Variants in MOK observed in about 807,000 individuals in gnomAD.
The protein encoded by MOK is MOK protein kinase.
MOK carries 59 observed loss-of-function variants against 54.2 expected under a neutral mutation model. That is an observed-to-expected ratio of 1.09 (90% CI 0.88 to 1.35). The LOEUF (loss-of-function observed/expected upper bound fraction) is 1.35, where lower values mean the gene tolerates loss of function less well. Ranked by LOEUF, MOK falls within the 40% of genes most tolerant of loss-of-function variation. The pLI is 0.00. For missense variants in MOK, 517 were observed against 526.2 expected (o/e 0.98, Z 0.17); for synonymous variants, 210 against 202.7 (o/e 1.04, Z -0.31).
chr14:102,278,482 T>C (rs2069096080), intron 2 of MOK: 1 of 263,498 alleles, frequency 3.8e-6, no homozygotes, highest in South Asian at 3.6e-5. Flanking sequence ...TAAAAGTAAT[T>C]TGAGGACTGC....
chr14:102,297,879 G>A (rs1413821362), intron 1 of MOK, among the ~76,000 whole-genome samples: 1 of 152,214 alleles, frequency 6.6e-6, no homozygotes, highest in Non-Finnish European at 1.5e-5. Flanking sequence ...CGGCCCACCG[G>A]CCCTGCCTGT....
chr14:102,221,948 C>T (rs1432245066), downstream of MOK, among the ~76,000 whole-genome samples: 4 of 152,176 alleles, frequency 2.6e-5, no homozygotes, highest in South Asian at 2.1e-4. The surrounding 1 kb of genome is among the most constrained non-coding windows in gnomAD (Gnocchi z 4.8). Context: ...CATAAATGAA[C>T]GCCACACTTT....
chr14:102,297,671 C>A (rs1035362652), intron 1 of MOK, among the ~76,000 whole-genome samples: 1 of 152,150 alleles, frequency 6.6e-6, no homozygotes, highest in Non-Finnish European at 1.5e-5. Flanking sequence ...GAAGAGGCAC[C>A]GCGAGGTGTG....
chr14:102,291,149 G>A (rs1316520290), intron 1 of MOK, among the ~76,000 whole-genome samples: 1 of 152,154 alleles, frequency 6.6e-6, no homozygotes, highest in African/African-American at 2.4e-5. Context: ...ACAGAGCACG[G>A]TACCATATCC....
At chr14:102,255,505 T>G (rs2153116310) in intron 4 of MOK, among the ~76,000 whole-genome samples, 1 of 152,102 alleles carries the variant, frequency 6.6e-6, no homozygotes, top group East Asian at 1.9e-4. Flanking sequence ...AAACTCCCTA[T>G]TCACAGCCCT....
Position 102,231,686 on chromosome 14 carries a change from G to A in MOK, c.981+21C>T, listed in dbSNP as rs368944211. On this transcript the variant is annotated intron_variant, in intron 10 of 11. Transcript: ENST00000361847. The surrounding 1 kb of genome is among the most constrained non-coding windows in gnomAD (Gnocchi z 4.4). ...GTCCCGGCTGAGCTAGGCAGTCTCC[G>A]GCTCCGATTTCGCTTAGTACCTGCT... 74 of 1,602,278 alleles carry A rather than the reference G, an allele frequency of 4.6e-5. No individual in the cohort carries two copies. Among genetic ancestry groups the A allele is most frequent in the East Asian group, 1.1e-4 (5 of 44,668 alleles).
At chr14:102,294,384 G>T (rs186347649) in intron 1 of MOK, among the ~76,000 whole-genome samples, 117 of 151,472 alleles carry the variant, frequency 7.7e-4, no homozygotes, top group African/African-American at 2.5e-3. Flanking sequence ...AGGCGGAGCT[G>T]GCAGTGAGCC....
At chr14:102,293,701 C>CA (rs10598736) in intron 1 of MOK, among the ~76,000 whole-genome samples, 1,671 of 54,570 alleles carry the variant, frequency 0.031, 60 homozygotes, top group African/African-American at 0.034. Context: ...AACTCCATCA[C>CA]AAAAAAAAAA....
At position 102,236,703 on chromosome 14, in the gene MOK, C is replaced by G. The variant is rs1454150978; in HGVS notation, c.591-2914G>C. Among the ~76,000 whole-genome samples, 1 of 151,922 alleles carries G rather than the reference C, an allele frequency of 6.6e-6. No homozygotes were observed. The highest frequency in any genetic ancestry group is 2.4e-5 in the African/African-American group (1 of 41,276). On this transcript the variant is annotated intron_variant, in intron 7 of 11. Transcript: ENST00000361847. The surrounding 1 kb of genome is among the most constrained non-coding windows in gnomAD (Gnocchi z 4.5). ...GACACCACCACCCCTTCCCTAGCTA[C>G]TCACCACGACCCCATCAAAATCCAG...
rs1209875868 is a variant in MOK at position 102,238,722 on chromosome 14, C to T, written c.591-4933G>A. Among the ~76,000 whole-genome samples the T allele has an allele frequency of 4.6e-5, 7 of 152,174 alleles. No individual in the cohort carries two copies. Among genetic ancestry groups the T allele is most frequent in the Non-Finnish European group, 1.0e-4 (7 of 68,032 alleles). ...CAGGGCCAAACCGACAAAATCCTGACATCTCTCCACCAATCCTTCCATATT... is the reference window on the plus strand; with the variant it reads ...CAGGGCCAAACCGACAAAATCCTGATATCTCTCCACCAATCCTTCCATATT... On this transcript the variant is annotated intron_variant, in intron 7 of 11. Transcript: ENST00000361847. The surrounding 1 kb of genome is among the most constrained non-coding windows in gnomAD (Gnocchi z 4.8).
At chr14:102,246,532 GA>G (rs1416190855) in intron 7 of MOK, among the ~76,000 whole-genome samples, 4 of 152,032 alleles carry the variant, frequency 2.6e-5, no homozygotes, top group Admixed American at 1.3e-4. Flanking sequence ...TCTCTGGCAA[GA>G]GACTGCTGGC....
At chr14:102,223,248 A>G (rs76765172), downstream of MOK, 2,056 of 154,794 alleles carry the variant, frequency 0.013, 20 homozygotes, top group Non-Finnish European at 0.021. Context: ...CAGCTGTTAT[A>G]GTGCTTCACT....
chr14:102,224,712 C>T (rs1342327123), downstream of MOK: 1 of 455,914 alleles, frequency 2.2e-6, no homozygotes, highest in Non-Finnish European at 4.4e-6. Flanking sequence ...ACATTAGTTA[C>T]AGCTTGAGTT....
downstream of MOK, among the ~76,000 whole-genome samples, chr14:102,221,366 T>A (rs1396573764): frequency 6.6e-6 from 1 of 152,202 alleles, no homozygotes; most frequent in Non-Finnish European, 1.5e-5. The surrounding 1 kb of genome is among the most constrained non-coding windows in gnomAD (Gnocchi z 4.8). Context: ...AGCACTTTCT[T>A]AGGGTGCGCG....
chr14:102,270,851 T>C (rs2068295073), intron 2 of MOK, among the ~76,000 whole-genome samples: 1 of 152,162 alleles, frequency 6.6e-6, no homozygotes, highest in Non-Finnish European at 1.5e-5. Flanking sequence ...CACAGCCGTA[T>C]AAATGTCCTG....
chr14:102,274,522 G>A (rs1204370583), intron 2 of MOK, among the ~76,000 whole-genome samples: 1 of 151,648 alleles, frequency 6.6e-6, no homozygotes, highest in Non-Finnish European at 1.5e-5. Flanking sequence ...CTCCTAAAGT[G>A]CTGGGATTAC....
At chr14:102,273,948 GT>G (rs368510199) in intron 2 of MOK, among the ~76,000 whole-genome samples, 3 of 151,078 alleles carry the variant, frequency 2.0e-5, no homozygotes, top group Admixed American at 6.6e-5. Context: ...AATCTCAATA[GT>G]TTTTTTTTGT....
At chr14:102,281,211 A>T (rs956891772) in intron 2 of MOK, among the ~76,000 whole-genome samples, 1 of 151,844 alleles carries the variant, frequency 6.6e-6, no homozygotes, top group Admixed American at 6.6e-5. Flanking sequence ...GTAGTCCCAG[A>T]TACTCGGGAG....
intron 1 of MOK, among the ~76,000 whole-genome samples, chr14:102,298,179 T>C (rs1169232950): frequency 6.6e-6 from 1 of 152,248 alleles, no homozygotes; most frequent in Non-Finnish European, 1.5e-5. Context: ...TAGAGAACCT[T>C]TATGTCTAAC....
Sources: allele counts gnomAD v4.1 joint callset (sites outside exome capture counted in the v4.1 genomes callset), GRCh38; gene constraint gnomAD v4.1.1; non-coding constraint Gnocchi (gnomAD v3.1); transcripts MANE v1.5; gene names NCBI Gene and HGNC (gene_info 2026-07-23, HGNC 2026-07-21).